CEP120: variants seen among roughly 807,000 people sequenced by gnomAD.
CEP120 encodes the protein centrosomal protein 120, also known as centrosomal protein of 120 kDa.
In CEP120, 113 loss-of-function variants were observed where a neutral mutation model predicts 126.5. The observed-to-expected ratio is 0.89, with a 90% CI of 0.77 to 1.04. The LOEUF (loss-of-function observed/expected upper bound fraction) is 1.04. Ranked by LOEUF, CEP120 falls within the 50% of genes least tolerant of loss-of-function variation. CEP120 has a pLI of 0.00. For synonymous variants in CEP120, 400 were observed against 394.3 expected (o/e 1.01, Z -0.17); for missense variants, 1,230 against 1,155.7 (o/e 1.06, Z -0.93).
At chr5:123,370,236 C>G (rs1458953742) in intron 17 of CEP120, among the ~76,000 whole-genome samples, 1 of 151,912 alleles carries the variant, frequency 6.6e-6, no homozygotes, top group Non-Finnish European at 1.5e-5. Flanking sequence ...ATTAAAAGTT[C>G]CTAGAGGAAT....
At chr5:123,375,427 A>G (rs1771142543) in intron 16 of CEP120, among the ~76,000 whole-genome samples, 1 of 151,600 alleles carries the variant, frequency 6.6e-6, no homozygotes, top group African/African-American at 2.4e-5. Flanking sequence ...GGCTCAAGTG[A>G]TGCTCCCACC....
At chr5:123,397,608 G>C (rs1772872070) in intron 5 of CEP120, among the ~76,000 whole-genome samples, 1 of 152,180 alleles carries the variant, frequency 6.6e-6, no homozygotes, top group Non-Finnish European at 1.5e-5. Flanking sequence ...AGGAGAGAAA[G>C]AGTAAATGCT....
intron 17 of CEP120, 136 bp from the exon 18 acceptor site, chr5:123,364,730 T>C (rs1229857247): frequency 1.3e-5 from 5 of 390,710 alleles, no homozygotes; most frequent in South Asian, 8.5e-5. Flanking sequence ...AAAACTGTTA[T>C]ATAATTTACT....
At chr5:123,410,532 A>AT (rs1261982342) in intron 4 of CEP120, among the ~76,000 whole-genome samples, 1 of 152,258 alleles carries the variant, frequency 6.6e-6, no homozygotes, top group Non-Finnish European at 1.5e-5. Context: ...ATAGACTCAC[A>AT]TAAGTAAAGT....
intron 4 of CEP120, among the ~76,000 whole-genome samples, chr5:123,399,770 G>A (rs1241568615): frequency 6.6e-6 from 1 of 152,128 alleles, no homozygotes; most frequent in East Asian, 1.9e-4. Context: ...AGGGAGGTGG[G>A]GCTGGATAAG....
chr5:123,366,676 ATC>A (rs1362429830), intron 17 of CEP120, among the ~76,000 whole-genome samples: 5 of 151,990 alleles, frequency 3.3e-5, no homozygotes, highest in Admixed American at 3.3e-4. Flanking sequence ...TTCTCAACTC[ATC>A]TTGACTATGA....
rs763904053 is a variant in CEP120, at chr5:123,372,790, T to C, written c.2359-18A>G. 9.5e-6 allele frequency: 15 copies of C among 1,572,812 alleles called. No individual in the cohort carries two copies. The South Asian group carries it at 1.6e-4, about 17-fold the overall frequency. ...TCATTAAGCTGTATTAAAAAAAGTTTAGCCATTTCAAAACAATGATATGCA... is the reference window on the plus strand; with the variant it reads ...TCATTAAGCTGTATTAAAAAAAGTTCAGCCATTTCAAAACAATGATATGCA... On this transcript the variant is annotated intron_variant, in intron 16 of 19. Coordinates refer to ENST00000306467, the MANE Select transcript of CEP120 (RefSeq NM_001375405.1).
chr5:123,419,228 G>A (rs1004921327), intron 1 of CEP120, among the ~76,000 whole-genome samples: 3 of 152,176 alleles, frequency 2.0e-5, no homozygotes, highest in African/African-American at 7.2e-5. Flanking sequence ...CACTTAATGT[G>A]ATTACACGAA....
intron 14 of CEP120, 75 bp downstream of exon 14, chr5:123,382,036 C>T (rs530399118): frequency 2.3e-5 from 23 of 1,013,248 alleles, no homozygotes; most frequent in Non-Finnish European, 3.1e-5. Context: ...CTTCCAGAGA[C>T]TGTCTTTAAC....
intron 18 of CEP120, among the ~76,000 whole-genome samples, chr5:123,361,567 C>T (rs1448536915): frequency 2.0e-5 from 3 of 151,732 alleles, no homozygotes; most frequent in South Asian, 4.1e-4. Flanking sequence ...TACATTTAGC[C>T]CTTACATACT....
intron 5 of CEP120, among the ~76,000 whole-genome samples, chr5:123,398,541 G>A (rs1772957679): frequency 6.6e-6 from 1 of 152,172 alleles, no homozygotes; most frequent in Non-Finnish European, 1.5e-5. Context: ...AACCCACTAT[G>A]TGTAGAGCAA....
chr5:123,418,624 T>C, intron 1 of CEP120, 109 bp from the exon 2 acceptor site: 5 of 840,796 alleles, frequency 5.9e-6, no homozygotes, highest in Non-Finnish European at 8.6e-6. Context: ...TGAGATGGAG[T>C]CTTACTCTGT....
intron 4 of CEP120, among the ~76,000 whole-genome samples, chr5:123,400,581 T>C (rs1054821375): frequency 6.7e-6 from 1 of 150,240 alleles, no homozygotes; most frequent in Admixed American, 6.7e-5. Context: ...TATACATATA[T>C]ATAGAGCAGC....
intron 7 of CEP120, chr5:123,390,347 C>G (rs1464932648): frequency 6.3e-6 from 4 of 638,016 alleles, no homozygotes; most frequent in African/African-American, 3.6e-5. Context: ...ATATCCAGAG[C>G]TGAATACCAA....
intron 5 of CEP120, among the ~76,000 whole-genome samples, chr5:123,398,039 A>G (rs1037122285): frequency 8.5e-5 from 13 of 152,156 alleles, no homozygotes; most frequent in Non-Finnish European, 1.8e-4. Context: ...AGCTATGATC[A>G]TGCCAAGGCA....
At position 123,423,352 on chromosome 5, in the gene CEP120, G is replaced by A. The variant is rs554087834; in HGVS notation, c.-354C>T. 9 of 343,694 alleles carry A rather than the reference G, an allele frequency of 2.6e-5. No individual in the cohort carries two copies. Among genetic ancestry groups the A allele is most frequent in the East Asian group, 1.3e-4 (2 of 14,968 alleles). 21.3% of individuals were successfully genotyped at this position (343,694 alleles called of 1,614,324 possible). A position where few individuals can be genotyped will look rare whatever the true frequency, so the allele number is the denominator to read the frequency against. ...GCGGCCGCCGCCGCGCCCAGCTTCC[G>A]CCTAGCAACCAGGCCCGCAGGCCCA... On this transcript the variant is annotated 5_prime_UTR_variant, in exon 1 of 20. Coordinates refer to ENST00000306467, the MANE Select transcript of CEP120 (RefSeq NM_001375405.1).
intron 3 of CEP120, among the ~76,000 whole-genome samples, chr5:123,413,263 G>A (rs1298105632): frequency 1.3e-5 from 2 of 151,174 alleles, no homozygotes; most frequent in East Asian, 3.9e-4. Context: ...CAGGAGTGAA[G>A]CCCTGTCGCA....
chr5:123,348,547 T>G (rs1354688032), intron 19 of CEP120, among the ~76,000 whole-genome samples: 2 of 152,240 alleles, frequency 1.3e-5, no homozygotes, highest in Non-Finnish European at 2.9e-5. Flanking sequence ...AAAGCTGACC[T>G]TTTGCAACTG....
intron 19 of CEP120, among the ~76,000 whole-genome samples, chr5:123,347,980 G>C (rs1768951615): frequency 6.6e-6 from 1 of 152,074 alleles, no homozygotes; most frequent in African/African-American, 2.4e-5. Flanking sequence ...TTCCCTTAAA[G>C]TGTGTTGCAC....
Sources: allele counts gnomAD v4.1 joint callset (sites outside exome capture counted in the v4.1 genomes callset), GRCh38; gene constraint gnomAD v4.1.1; transcripts MANE v1.5; gene names NCBI Gene and HGNC (gene_info 2026-07-23, HGNC 2026-07-21).